Variants in CUX1 observed in about 807,000 individuals in gnomAD.
CUX1 encodes the protein protein CASP.
In CUX1, 31 loss-of-function variants were observed where a neutral mutation model predicts 158.8. The observed-to-expected ratio is 0.20, with a 90% CI of 0.15 to 0.26. The LOEUF (loss-of-function observed/expected upper bound fraction) is 0.26. Ranked by LOEUF, CUX1 falls within the 10% of genes least tolerant of loss-of-function variation. The pLI is 1.00. For synonymous variants in CUX1, 879 were observed against 862.1 expected (o/e 1.02, Z -0.34); for missense variants, 1,589 against 2,014.6 (o/e 0.79, Z 4.04).
intron 2 of CUX1, among the ~76,000 whole-genome samples, chr7:101,984,893 A>G (rs2129226368): frequency 6.6e-6 from 1 of 152,360 alleles, no homozygotes; most frequent in Non-Finnish European, 1.5e-5. Flanking sequence ...CTAACTTTTC[A>G]AATAATGCAG....
intron 11 of CUX1, among the ~76,000 whole-genome samples, chr7:102,185,596 GT>G (rs533284782): frequency 2.2e-4 from 32 of 148,612 alleles, no homozygotes; most frequent in East Asian, 8.1e-4. Context: ...ATGTTTTGGG[GT>G]TTTTTTTTTG....
At chr7:101,826,310 C>T (rs1290049428) in intron 1 of CUX1, among the ~76,000 whole-genome samples, 2 of 151,936 alleles carry the variant, frequency 1.3e-5, no homozygotes, top group East Asian at 1.9e-4. Context: ...GCAATCCTTC[C>T]ACCTCAGCCT....
Position 102,201,512 on chromosome 7 carries a change from A to G in CUX1, c.2215A>G (p.Thr739Ala). 6.2e-7 allele frequency: 1 copy of G among 1,613,960 alleles called. No homozygotes were observed. The highest frequency in any genetic ancestry group is 8.5e-7 in the Non-Finnish European group (1 of 1,179,986). Reference protein sequence around the residue: ...KQAPLSQSDITILTPKLLSTS... With the variant: ...KQAPLSQSDIAILTPKLLSTS... Reference sequence around the variant, plus strand: ...GGCACCACTGTCCCAGAGTGACATCACCATCCTCACCCCCAAGCTTCTGTC... The same window carrying G: ...GGCACCACTGTCCCAGAGTGACATCGCCATCCTCACCCCCAAGCTTCTGTC... Residue 739 changes from threonine to alanine, a missense_variant, in exon 18 of 24, where the codon ACC becomes GCC. Physicochemically the swap from Thr to Ala is moderately conservative, Grantham distance 58. Coordinates refer to ENST00000292535, the MANE Select transcript of CUX1 (RefSeq NM_181552.4). This position sits in a 1 kb window ranked among gnomAD's most constrained non-coding sequence, Gnocchi z 5.0.
chr7:101,865,897 C>T (rs1325535616), intron 1 of CUX1, among the ~76,000 whole-genome samples: 1 of 152,132 alleles, frequency 6.6e-6, no homozygotes, highest in African/African-American at 2.4e-5. Flanking sequence ...TTTGAGAGAC[C>T]TTGGCAACGC....
Position 102,253,031 on chromosome 7 carries a change from T to C in CUX1, c.*3989T>C, listed in dbSNP as rs1260691829. The C allele has an allele frequency of 2.0e-6, 2 of 985,298 alleles. No homozygotes were observed. The highest frequency in any genetic ancestry group is 1.2e-6 in the Non-Finnish European group (1 of 829,948). 61.0% of individuals were successfully genotyped at this position (985,298 alleles called of 1,614,324 possible). A position where few individuals can be genotyped will look rare whatever the true frequency, so the allele number is the denominator to read the frequency against. ...AAAACCTGCTACTTTGTGCAAGTAA[T>C]TGAGGCAAAAGATACCAGTCGACAG... On this transcript the variant is annotated 3_prime_UTR_variant, in exon 24 of 24. Transcript: ENST00000292535.
chr7:102,019,766 GT>G (rs1297465544), intron 2 of CUX1, among the ~76,000 whole-genome samples: 2 of 152,220 alleles, frequency 1.3e-5, no homozygotes, highest in African/African-American at 4.8e-5. Context: ...CACGGAACGT[GT>G]TTTAAATGGC....
intron 1 of CUX1, among the ~76,000 whole-genome samples, chr7:101,818,760 T>G (rs1792161142): frequency 6.6e-6 from 1 of 152,210 alleles, no homozygotes; most frequent in African/African-American, 2.4e-5. Context: ...AATCTGGTTC[T>G]TTCTCTGGGC....
chr7:102,181,591 C>T (rs1793091186), intron 11 of CUX1, among the ~76,000 whole-genome samples: 1 of 152,164 alleles, frequency 6.6e-6, no homozygotes, highest in African/African-American at 2.4e-5. Flanking sequence ...TTGTTTAATA[C>T]CGTGCAGTTA....
intron 18 of CUX1, among the ~76,000 whole-genome samples, chr7:102,278,662 T>TAAAATAAA (rs1791803340): frequency 5.3e-5 from 5 of 93,708 alleles, no homozygotes; most frequent in South Asian, 3.6e-4. Flanking sequence ...AATAAAAAAA[T>TAAAATAAA]AAAATAAAAT....
chr7:102,189,660 G>A (rs1217005433), intron 11 of CUX1, among the ~76,000 whole-genome samples, 153 bp from the exon 12 acceptor site: 1 of 152,234 alleles, frequency 6.6e-6, no homozygotes, highest in Non-Finnish European at 1.5e-5. Context: ...GGAGCGTGAG[G>A]GACAAAAGAT....
intron 2 of CUX1, among the ~76,000 whole-genome samples, chr7:101,964,494 C>T (rs1810903208): frequency 6.6e-6 from 1 of 152,050 alleles, no homozygotes; most frequent in Non-Finnish European, 1.5e-5. Context: ...CAGAATATAT[C>T]CCGATTCTAA....
At chr7:102,197,405 T>C in intron 15 of CUX1, 100 bp downstream of exon 15, 1 of 1,344,612 alleles carries the variant, frequency 7.4e-7, no homozygotes, top group South Asian at 1.3e-5. Context: ...TGATGAAACA[T>C]TTGTGCATCA....
At chr7:102,125,358 G>A (rs1039464478) in intron 8 of CUX1, among the ~76,000 whole-genome samples, 1 of 152,200 alleles carries the variant, frequency 6.6e-6, no homozygotes, top group South Asian at 2.1e-4. Flanking sequence ...TGCTTCAACA[G>A]TGAAGAGTTA....
rs559862244 is a variant in CUX1 at position 102,237,529 on chromosome 7, A to G, written c.3623-1791A>G. Among the ~76,000 whole-genome samples, 446 of 152,174 alleles carry G rather than the reference A, an allele frequency of 2.9e-3. 1 individual carries two copies. The highest frequency in any genetic ancestry group is 5.0e-3 in the South Asian group (24 of 4,810). ...ACTCCTAGGCTCGAGCAATCCTCCCATCTCAGCTTCCCAAAGTGCAGAGAT... is the reference window on the plus strand; with the variant it reads ...ACTCCTAGGCTCGAGCAATCCTCCCGTCTCAGCTTCCCAAAGTGCAGAGAT... On this transcript the variant is annotated intron_variant, in intron 22 of 23. Transcript: ENST00000292535.
At chr7:102,077,312 A>G (rs782635117) in intron 4 of CUX1, among the ~76,000 whole-genome samples, 27 of 151,860 alleles carry the variant, frequency 1.8e-4, no homozygotes, top group Admixed American at 1.1e-3. Context: ...GGGCTTAGTG[A>G]GCAGAAGAGG....
At chr7:101,849,944 G>T (rs903706447) in intron 1 of CUX1, among the ~76,000 whole-genome samples, 2 of 137,108 alleles carry the variant, frequency 1.5e-5, no homozygotes, top group Non-Finnish European at 3.1e-5. Flanking sequence ...TTTTTGACAG[G>T]GTCTCACTCT....
At chr7:101,911,481 C>T (rs377024987) in intron 1 of CUX1, among the ~76,000 whole-genome samples, 1 of 152,094 alleles carries the variant, frequency 6.6e-6, no homozygotes, top group African/African-American at 2.4e-5. Flanking sequence ...CTTGGCCCTC[C>T]AGTGGATGAC....
chr7:102,237,129 C>T (rs782431301), intron 22 of CUX1, among the ~76,000 whole-genome samples: 8 of 152,216 alleles, frequency 5.3e-5, no homozygotes, highest in Non-Finnish European at 1.0e-4. Context: ...GCTTTGACTC[C>T]GCTGTTTGGG....
chr7:102,177,740 C>G (rs1399556655), intron 10 of CUX1, among the ~76,000 whole-genome samples: 1 of 152,164 alleles, frequency 6.6e-6, no homozygotes, highest in Non-Finnish European at 1.5e-5. Flanking sequence ...CCCCCTGCCT[C>G]TCAGCTCTGA....
Sources: gnomAD v4.1 joint callset for allele counts (sites outside exome capture counted in the v4.1 genomes callset) on GRCh38, gnomAD v4.1.1 for gene constraint, Gnocchi (gnomAD v3.1) non-coding constraint, MANE v1.5 for transcripts, NCBI Gene and HGNC (gene_info 2026-07-23, HGNC 2026-07-21) for gene names.